Variants in PCDHA2 observed in about 807,000 individuals in gnomAD.
PCDHA2 encodes the protein protocadherin alpha 2.
A neutral mutation model predicts 66.0 loss-of-function variants in PCDHA2; 58 were observed. The observed-to-expected ratio is 0.88, with a 90% CI of 0.71 to 1.09. PCDHA2 has a LOEUF of 1.09. Ranked by LOEUF, PCDHA2 falls within the 50% of genes least tolerant of loss-of-function variation. The pLI is 0.00. For synonymous variants in PCDHA2, 634 were observed against 554.0 expected, an observed-to-expected ratio of 1.14 and a Z score of -2.03; for missense variants, 1,267 against 1,242.3, an observed-to-expected ratio of 1.02 and a Z score of -0.30.
rs150544958 is a variant in PCDHA2, at chr5:140,940,065, T to C, written c.2389-38884T>C. ...TATTAGATTCTTAACCAAATATAAA[T>C]ATGTGATATCTTTCTGCTAAATTGA... On this transcript the variant is annotated intron_variant, in intron 1 of 3. Coordinates refer to ENST00000526136, the MANE Select transcript of PCDHA2 (RefSeq NM_018905.3). Among the ~76,000 whole-genome samples the C allele has an allele frequency of 2.1e-3, 313 of 152,364 alleles. 1 individual carries two copies. Among genetic ancestry groups the C allele is most frequent in the African/African-American group, 7.1e-3 (295 of 41,596 alleles).
chr5:140,824,306 T>C, intron 1 of PCDHA2: 1 of 799,318 alleles, frequency 1.3e-6, no homozygotes, highest in East Asian at 2.5e-5. Context: ...GCTGGGGTAA[T>C]AGATTCATCA....
intron 1 of PCDHA2, chr5:140,849,778 G>C (rs2150449659): frequency 1.9e-6 from 3 of 1,598,508 alleles, no homozygotes; most frequent in Non-Finnish European, 2.6e-6. Context: ...GTTACCGCGC[G>C]GGACGGGGGC....
At chr5:140,912,810 A>G (rs887666910) in intron 1 of PCDHA2, among the ~76,000 whole-genome samples, 16 of 152,202 alleles carry the variant, frequency 1.1e-4, no homozygotes, top group African/African-American at 3.6e-4. Flanking sequence ...GGTTTTTATC[A>G]TAAAGGGATT....
chr5:140,850,627 T>C lies in PCDHA2; in HGVS notation c.2388+53275T>C, dbSNP rs2150491342. 1.9e-6 allele frequency: 3 copies of C among 1,598,642 alleles called. No individual in the cohort carries two copies. The South Asian group carries it at 3.3e-5, about 18-fold the overall frequency. ...GCCATCTGCGCGGTGTCTAGCCTGT[T>C]GGTTCTCACGCTGCTGCTGTACACT... On this transcript the variant is annotated intron_variant, in intron 1 of 3. Transcript: ENST00000526136.
intron 1 of PCDHA2, among the ~76,000 whole-genome samples, chr5:140,955,323 G>A (rs1213005534): frequency 6.6e-6 from 1 of 152,098 alleles, no homozygotes; most frequent in East Asian, 1.9e-4. Flanking sequence ...ACCTTGAATT[G>A]TAGTTCCCAT....
intron 1 of PCDHA2, chr5:140,843,852 T>C: frequency 2.1e-6 from 2 of 964,906 alleles, no homozygotes; most frequent in Non-Finnish European, 3.1e-6. Flanking sequence ...AAACCTTTTA[T>C]AATTAATTGA....
chr5:140,953,881 A>G (rs1481970999), intron 1 of PCDHA2, among the ~76,000 whole-genome samples: 2 of 152,130 alleles, frequency 1.3e-5, no homozygotes, highest in Non-Finnish European at 2.9e-5. Flanking sequence ...AGATCAACCC[A>G]TCACCTAGGT....
chr5:140,845,639 C>T (rs1007088730), intron 1 of PCDHA2, among the ~76,000 whole-genome samples: 1 of 149,600 alleles, frequency 6.7e-6, no homozygotes, highest in East Asian at 1.9e-4. Context: ...AAATCAAGTC[C>T]TCCCTTTACC....
At chr5:140,883,920 T>C in intron 1 of PCDHA2, 1 of 1,613,492 alleles carries the variant, frequency 6.2e-7, no homozygotes, top group Non-Finnish European at 8.5e-7. Flanking sequence ...AACGTGACGC[T>C]GCAGGTGTTC....
chr5:140,836,309 A>T, intron 1 of PCDHA2: 1 of 1,613,652 alleles, frequency 6.2e-7, no homozygotes, highest in Non-Finnish European at 8.5e-7. Context: ...AGACGGACGC[A>T]CCGCGCCACC....
chr5:140,987,035 G>A (rs992580023), intron 3 of PCDHA2, among the ~76,000 whole-genome samples: 2 of 151,946 alleles, frequency 1.3e-5, no homozygotes, highest in African/African-American at 4.8e-5. Flanking sequence ...TCAACATGGC[G>A]AAACCCCATC....
At chr5:140,841,918 C>G (rs2150325531) in intron 1 of PCDHA2, 33 of 1,613,726 alleles carry the variant, frequency 2.0e-5, no homozygotes, top group Non-Finnish European at 2.6e-5. Flanking sequence ...TAAGAAAATC[C>G]TTGGACAGAG....
chr5:140,859,385 G>C (rs1252027820), intron 1 of PCDHA2: 2 of 270,486 alleles, frequency 7.4e-6, no homozygotes, highest in African/African-American at 4.6e-5. Flanking sequence ...AGCTTCTCTA[G>C]TCATCTTAAA....
At chr5:140,914,710 G>GT (rs1554196543) in intron 1 of PCDHA2, among the ~76,000 whole-genome samples, 1 of 151,256 alleles carries the variant, frequency 6.6e-6, no homozygotes, top group Non-Finnish European at 1.5e-5. Context: ...TTAATTTCTT[G>GT]TTTTTTATTT....
chr5:140,950,536 T>A (rs182006309), intron 1 of PCDHA2, among the ~76,000 whole-genome samples: 1 of 152,222 alleles, frequency 6.6e-6, no homozygotes, highest in East Asian at 1.9e-4. Flanking sequence ...TTTTTGTTGC[T>A]CTTGCATGGC....
At chr5:140,801,102 A>T in intron 1 of PCDHA2, 1 of 1,504,906 alleles carries the variant, frequency 6.6e-7, no homozygotes. Flanking sequence ...CTAAAATTTA[A>T]CACCGAGGAG....
intron 1 of PCDHA2, chr5:140,835,703 C>A (rs2150242433): frequency 6.2e-6 from 10 of 1,613,784 alleles, no homozygotes; most frequent in Middle Eastern, 1.6e-4. Context: ...CCACTGCTAG[C>A]GTGTCCGTGG....
At chr5:140,882,114 C>T (rs1464753090) in intron 1 of PCDHA2, 25 of 1,406,582 alleles carry the variant, frequency 1.8e-5, no homozygotes, top group Non-Finnish European at 2.2e-5. Flanking sequence ...AAGAAAGCCG[C>T]CGTTTCTTTC....
intron 1 of PCDHA2, chr5:140,841,598 G>A (rs2150318945): frequency 8.1e-6 from 13 of 1,614,142 alleles, no homozygotes; most frequent in Admixed American, 6.7e-5. Context: ...GATCGACCGC[G>A]AGGAGCTGTG....
Sources: allele counts gnomAD v4.1 joint callset (sites outside exome capture counted in the v4.1 genomes callset), GRCh38; gene constraint gnomAD v4.1.1; transcripts MANE v1.5; gene names NCBI Gene and HGNC (gene_info 2026-07-23, HGNC 2026-07-21).